The following PRKAR1A variants were observed in gnomAD, a reference collection of about 807,000 sequenced individuals.
The protein encoded by PRKAR1A is cAMP-dependent protein kinase type I-alpha regulatory subunit.
PRKAR1A carries 3 observed loss-of-function variants against 52.0 expected under a neutral mutation model. The ratio of observed to expected loss-of-function variants is 0.06; its 90% CI spans 0.03 to 0.15. The LOEUF (loss-of-function observed/expected upper bound fraction) is 0.15, where lower values mean the gene tolerates loss of function less well. Among genes scored for constraint, PRKAR1A ranks in the 10% least tolerant of loss-of-function variants. PRKAR1A has a pLI of 1.00. For synonymous variants in PRKAR1A, 188 were observed against 168.4 expected, an observed-to-expected ratio of 1.12 and a Z score of -0.90; for missense variants, 240 against 477.4, an observed-to-expected ratio of 0.50 and a Z score of 4.63.
chr17:68,480,915 TCCTC>T, the PRKAR1A span, among the ~76,000 whole-genome samples: 1 of 152,336 alleles, frequency 6.6e-6, no homozygotes, highest in African/African-American at 2.4e-5. Context: ...ACCTTGAAAG[TCCTC>T]AGTTTTATTC....
chr17:68,528,116 AAGTGAGTACTT>A (rs2085848907), intron 8 of PRKAR1A, among the ~76,000 whole-genome samples: 1 of 152,222 alleles, frequency 6.6e-6, no homozygotes, highest in Admixed American at 6.5e-5. Context: ...TGGTTCAGAA[AAGTGAGTACTT>A]CCAACAATAC....
the PRKAR1A span, among the ~76,000 whole-genome samples, chr17:68,423,452 T>A: frequency 1.3e-5 from 2 of 152,096 alleles, no homozygotes; most frequent in South Asian, 2.1e-4. The surrounding 1 kb of genome is among the most constrained non-coding windows in gnomAD (Gnocchi z 4.4). Flanking sequence ...GACTGAGAGG[T>A]TGGTGGCTGC....
intron 2 of PRKAR1A, among the ~76,000 whole-genome samples, chr17:68,519,372 C>T (rs1470468281): frequency 6.6e-6 from 1 of 152,162 alleles, no homozygotes; most frequent in Non-Finnish European, 1.5e-5. Flanking sequence ...CATTCTTCTT[C>T]ACATGGCAGC....
At chr17:68,413,636 C>T in the PRKAR1A span, 6 of 153,836 alleles carry the variant, frequency 3.9e-5, no homozygotes, top group East Asian at 1.1e-3. Flanking sequence ...CTGTGGTGGG[C>T]TCCACCCAGT....
chr17:68,499,826 C>T, the PRKAR1A span, among the ~76,000 whole-genome samples: 6 of 152,200 alleles, frequency 3.9e-5, no homozygotes, highest in Non-Finnish European at 8.8e-5. Context: ...GTAGGTGAAT[C>T]AGCGTTGGTC....
In PRKAR1A at chr17:68,532,120, T is replaced by TA. The variant is rs1441781747; in HGVS notation, c.*1672dup. The TA allele has an allele frequency of 4.7e-6, 5 of 1,063,576 alleles. No homozygotes were observed. The highest frequency in any genetic ancestry group is 5.0e-5 in the East Asian group (1 of 19,896). 65.9% of individuals were successfully genotyped at this position (1,063,576 alleles called of 1,614,324 possible). On this transcript the variant is annotated 3_prime_UTR_variant, in exon 11 of 11. Coordinates refer to ENST00000589228, the MANE Select transcript of PRKAR1A (RefSeq NM_002734.5). ...AGGGTGGGTAAGAAAGCCACCTTGT[T>TA]ACAAATTTTTTAATTTCCAAAATAA...
At chr17:68,419,132 G>A in the PRKAR1A span, among the ~76,000 whole-genome samples, 15 of 151,632 alleles carry the variant, frequency 9.9e-5, no homozygotes, top group Non-Finnish European at 1.3e-4. Context: ...TCGAATCCAC[G>A]TAAGACTGTC....
intron 2 of PRKAR1A, among the ~76,000 whole-genome samples, chr17:68,522,307 A>G (rs953540453): frequency 6.6e-6 from 1 of 152,204 alleles, no homozygotes; most frequent in Admixed American, 6.5e-5. Flanking sequence ...TTCTTGGATC[A>G]CTATGTTGGG....
At chr17:68,524,797 G>A in intron 5 of PRKAR1A, 115 bp from the exon 6 acceptor site, 1 of 831,114 alleles carries the variant, frequency 1.2e-6, no homozygotes, top group Non-Finnish European at 2.0e-6. Flanking sequence ...GATTGTGTTA[G>A]TTTGTAACAC....
intron 11 of PRKAR1A, chr17:68,541,936 CTG>C: frequency 2.3e-5 from 36 of 1,580,922 alleles, no homozygotes; most frequent in Non-Finnish European, 3.0e-5. Context: ...GGTACAGGGT[CTG>C]TGGCTACTGT....
At chr17:68,424,306 C>G in the PRKAR1A span, 3 of 419,264 alleles carry the variant, frequency 7.2e-6, no homozygotes, top group Admixed American at 3.1e-5. Context: ...ACCCGCAGAG[C>G]CGATGTGGGA....
chr17:68,447,984 CAAAAA>C, the PRKAR1A span, among the ~76,000 whole-genome samples: 4 of 80,280 alleles, frequency 5.0e-5, no homozygotes, highest in Admixed American at 4.2e-4. Context: ...GACTCTATCT[CAAAAA>C]AAAAAAAAAA....
At chr17:68,449,085 T>TA in the PRKAR1A span, among the ~76,000 whole-genome samples, 17 of 152,106 alleles carry the variant, frequency 1.1e-4, no homozygotes, top group Admixed American at 5.2e-4. Flanking sequence ...TCTCATTTGT[T>TA]AAAAAAAATT....
At chr17:68,467,187 T>C in the PRKAR1A span, among the ~76,000 whole-genome samples, 1 of 152,336 alleles carries the variant, frequency 6.6e-6, no homozygotes, top group East Asian at 1.9e-4. Flanking sequence ...GTTGTTCCCA[T>C]CTTTTGGCTA....
chr17:68,477,567 A>G, the PRKAR1A span, among the ~76,000 whole-genome samples: 2 of 152,194 alleles, frequency 1.3e-5, no homozygotes, highest in Admixed American at 6.5e-5. Flanking sequence ...ACTTATTTCC[A>G]TATTATTCAA....
upstream of PRKAR1A, chr17:68,511,716 C>G (rs1489856143): frequency 6.6e-6 from 1 of 152,190 alleles, no homozygotes; most frequent in Non-Finnish European, 1.5e-5. Context: ...TTTCCTGGAC[C>G]GGATGACTGA....
the PRKAR1A span, among the ~76,000 whole-genome samples, chr17:68,444,819 A>C: frequency 6.6e-6 from 1 of 152,070 alleles, no homozygotes; most frequent in Non-Finnish European, 1.5e-5. Context: ...TTAGAAATTA[A>C]GATTGTTTTT....
Position 68,524,869 on chromosome 17 carries a change from C to T in PRKAR1A, c.503-43C>T, listed in dbSNP as rs780838275. On this transcript the variant is annotated intron_variant, in intron 5 of 10. Coordinates refer to ENST00000589228, the MANE Select transcript of PRKAR1A (RefSeq NM_002734.5). ...TTGTAATAATTTTGATAATTTCTTTCTTTAATTTGGAATATGCTTCTAACT... is the reference window on the plus strand; with the variant it reads ...TTGTAATAATTTTGATAATTTCTTTTTTTAATTTGGAATATGCTTCTAACT... 8 of 1,458,744 alleles carry T rather than the reference C, an allele frequency of 5.5e-6. No individual in the cohort carries two copies. The South Asian group carries it at 9.1e-5, about 17-fold the overall frequency. The allele number at this position is 1,458,744 out of a possible 1,614,324, so 90.4% of individuals were successfully genotyped here.
At chr17:68,523,991 A>T in intron 4 of PRKAR1A, 25 bp from the exon 5 acceptor site, 1 of 1,613,254 alleles carries the variant, frequency 6.2e-7, no homozygotes, top group Non-Finnish European at 8.5e-7. Context: ...GTGAAATGTA[A>T]CACGAGGCCT....
Sources: gnomAD v4.1 joint callset for allele counts (sites outside exome capture counted in the v4.1 genomes callset) on GRCh38, gnomAD v4.1.1 for gene constraint, Gnocchi (gnomAD v3.1) non-coding constraint, MANE v1.5 for transcripts, NCBI Gene and HGNC (gene_info 2026-07-23, HGNC 2026-07-21) for gene names.